The following CENPL variants were observed in gnomAD, a reference collection of about 807,000 sequenced individuals.
CENPL encodes centromere protein L.
Under a neutral mutation model 35.2 loss-of-function variants are expected in CENPL, and 20 were observed. The ratio of observed to expected loss-of-function variants is 0.57; its 90% CI spans 0.40 to 0.83. The LOEUF (loss-of-function observed/expected upper bound fraction) is 0.83. Among genes scored for constraint, CENPL ranks in the 40% least tolerant of loss-of-function variants. CENPL has a pLI of 0.00. For synonymous variants in CENPL, 140 were observed against 140.6 expected (o/e 1.00, Z 0.03); for missense variants, 363 against 395.8 (o/e 0.92, Z 0.70).
At chr1:173,819,356 G>A (rs895292349) in intron 2 of CENPL, among the ~76,000 whole-genome samples, 2 of 152,206 alleles carry the variant, frequency 1.3e-5, no homozygotes, top group African/African-American at 2.4e-5. Context: ...TTGGGAGGCC[G>A]AGGAAAAGTG....
intron 2 of CENPL, among the ~76,000 whole-genome samples, chr1:173,819,840 C>T (rs1486827906): frequency 6.6e-6 from 1 of 150,708 alleles, no homozygotes; most frequent in Non-Finnish European, 1.5e-5. Context: ...TACAGCTGCC[C>T]GCTACCATGC....
intron 5 of CENPL, among the ~76,000 whole-genome samples, chr1:173,801,032 A>G (rs1434754290): frequency 2.0e-5 from 3 of 152,110 alleles, no homozygotes; most frequent in Admixed American, 6.5e-5. Flanking sequence ...CATCAAAATT[A>G]TTTCCCAACC....
chr1:173,807,637 A>T (rs892801427), intron 3 of CENPL, 119 bp from the exon 4 acceptor site: 4 of 766,156 alleles, frequency 5.2e-6, no homozygotes, highest in Non-Finnish European at 7.9e-6. Flanking sequence ...TTGCACTCCA[A>T]CCAAATGAGT....
chr1:173,807,452 G>C lies in CENPL; in HGVS notation c.235C>G (p.Pro79Ala). The change falls in exon 4 of 6, where the codon CCC becomes GCC. Residue 79 changes from proline (P) to alanine (A), a missense_variant. Coordinates refer to ENST00000682279, the MANE Select transcript of CENPL (RefSeq NM_001387287.1). ...HKQWTLYSLT[P>A]LYKFSYSNLK... The stretch of plus-strand genomic sequence containing the variant: ...TTACTATAGGAGAATTTATATAAGG[G>C]AGTTAAACTATATAAAGTCCACTGT... 6.2e-7 allele frequency: 1 copy of C among 1,600,058 alleles called. No homozygotes were observed. Among genetic ancestry groups the C allele is most frequent in the Non-Finnish European group, 8.5e-7 (1 of 1,169,956 alleles).
chr1:173,814,620 G>T (rs145435241), intron 2 of CENPL, among the ~76,000 whole-genome samples: 3 of 152,140 alleles, frequency 2.0e-5, no homozygotes, highest in African/African-American at 7.2e-5. Context: ...AAATAAAGAC[G>T]TTCTTTGAAA....
intron 3 of CENPL, 79 bp downstream of exon 3, chr1:173,811,053 T>C: frequency 2.3e-6 from 3 of 1,325,752 alleles, no homozygotes; most frequent in South Asian, 2.7e-5. Flanking sequence ...CTAAGAATAC[T>C]ATAGTTACAA....
In CENPL at chr1:173,817,208, T is replaced by G. The variant is rs564146259; in HGVS notation, c.-7-5902A>C. ...ACAGCAAAAGAAACTACCATCAGAG[T>G]GAACAGGCAATCTACAGAATGGGAG... is the stretch of plus-strand genomic sequence containing the variant. On this transcript the variant is annotated intron_variant, in intron 2 of 5. Coordinates refer to ENST00000682279, the MANE Select transcript of CENPL (RefSeq NM_001387287.1). Among the ~76,000 whole-genome samples the G allele has an allele frequency of 5.4e-5, 8 of 149,394 alleles. No individual in the cohort carries two copies. The South Asian group carries it at 1.1e-3, about 20-fold the overall frequency.
intron 2 of CENPL, among the ~76,000 whole-genome samples, chr1:173,812,281 A>C (rs1472685931): frequency 6.6e-6 from 1 of 152,260 alleles, no homozygotes; most frequent in East Asian, 1.9e-4. Flanking sequence ...TGCAGACTTA[A>C]ACATCCCTGT....
chr1:173,822,689 T>A (rs1652071662), intron 2 of CENPL: 2 of 152,220 alleles, frequency 1.3e-5, no homozygotes, highest in African/African-American at 4.8e-5. Context: ...TCCTTCAACA[T>A]CACCTTTACA....
At chr1:173,806,377 G>A (rs1041460385) in intron 4 of CENPL, 6 of 397,238 alleles carry the variant, frequency 1.5e-5, no homozygotes, top group African/African-American at 8.5e-5. Flanking sequence ...CTTGAGCCCA[G>A]GAGTTCAAGA....
intron 3 of CENPL, among the ~76,000 whole-genome samples, chr1:173,809,926 T>A (rs1288161448): frequency 2.6e-5 from 4 of 152,106 alleles, no homozygotes; most frequent in African/African-American, 7.2e-5. Context: ...TGTGAATTAG[T>A]TCAACCATTG....
intron 2 of CENPL, among the ~76,000 whole-genome samples, chr1:173,819,025 A>G (rs527642575): frequency 6.6e-6 from 1 of 152,060 alleles, no homozygotes; most frequent in Admixed American, 6.5e-5. Context: ...ACTTGAGCTC[A>G]GATGTCTGAG....
At chr1:173,814,271 C>T (rs1004642107) in intron 2 of CENPL, among the ~76,000 whole-genome samples, 3 of 152,074 alleles carry the variant, frequency 2.0e-5, no homozygotes, top group African/African-American at 7.2e-5. Context: ...TTAGACAGAT[C>T]AACGAGACAG....
intron 2 of CENPL, among the ~76,000 whole-genome samples, chr1:173,814,962 G>A (rs1651214187): frequency 6.6e-6 from 1 of 152,132 alleles, no homozygotes. Flanking sequence ...GAAGAAAAGA[G>A]AGAAGAAGCA....
In CENPL at chr1:173,811,286, C is replaced by T. The variant is rs2102587718; in HGVS notation, c.14G>A (p.Ser5Asn). 6.2e-7 allele frequency: 1 copy of T among 1,603,244 alleles called. No individual in the cohort carries two copies. Reference sequence around the variant, plus strand: ...TGCACTAGGAGTTGACTCTGGTGCACTGTAAGAATCCATGGTCTGTCTGCA... The same window carrying T: ...TGCACTAGGAGTTGACTCTGGTGCATTGTAAGAATCCATGGTCTGTCTGCA... Reference protein sequence around the residue: MDSYSAPESTPSASS... With the variant: MDSYNAPESTPSASS... Residue 5 changes from serine (S) to asparagine (N), a missense_variant, in exon 3 of 6, where the codon AGT becomes AAT. Physicochemically the swap from Ser to Asn is conservative, Grantham distance 46. Coordinates refer to ENST00000682279, the MANE Select transcript of CENPL (RefSeq NM_001387287.1).
chr1:173,824,321 C>T lies in CENPL; in HGVS notation c.-211G>A, dbSNP rs1194767808. 6.6e-6 allele frequency: 1 copy of T among 152,328 alleles called. No individual in the cohort carries two copies. Among genetic ancestry groups the T allele is most frequent in the African/African-American group, 2.4e-5 (1 of 41,476 alleles). The allele number at this position is 152,328 out of a possible 1,614,324, so 9.4% of individuals were successfully genotyped here. ...CCTCTCCAGCTGAGCCTGTCAGAGA[C>T]CAGCCCAGCTCTGAAATCAAGCCGT... On this transcript the variant is annotated 5_prime_UTR_variant, in exon 1 of 6. The change creates a premature stop within an existing upstream ORF in the 5' untranslated region. Coordinates refer to ENST00000682279, the MANE Select transcript of CENPL (RefSeq NM_001387287.1).
At chr1:173,819,484 AGGAG>A (rs1651731555) in intron 2 of CENPL, among the ~76,000 whole-genome samples, 1 of 151,828 alleles carries the variant, frequency 6.6e-6, no homozygotes, top group Non-Finnish European at 1.5e-5. Flanking sequence ...CCAGCTACTC[AGGAG>A]GCTGAGAGGA....
At chr1:173,804,387 T>C (rs9425743) in intron 4 of CENPL, among the ~76,000 whole-genome samples, 1,726 of 152,350 alleles carry the variant, frequency 0.011, 42 homozygotes, top group African/African-American at 0.04. Flanking sequence ...CATTCACCTA[T>C]GACATACATT....
chr1:173,823,920 C>A lies in CENPL; in HGVS notation c.-8+6G>T, dbSNP rs1468016272. 1 of 151,814 alleles carries A rather than the reference C, an allele frequency of 6.6e-6. No homozygotes were observed. Among genetic ancestry groups the A allele is most frequent in the African/African-American group, 2.4e-5 (1 of 41,324 alleles). The allele number at this position is 151,814 out of a possible 1,614,324, so 9.4% of individuals were successfully genotyped here. On this transcript the variant is annotated splice_donor_region_variant and intron_variant, in intron 2 of 5. Transcript: ENST00000682279. Reference sequence around the variant, plus strand: ...CAGGTCCGGGACCAATACAAAGCATCTTTACCAATAAAATGCCGTGATGAC... The same window carrying A: ...CAGGTCCGGGACCAATACAAAGCATATTTACCAATAAAATGCCGTGATGAC...
Sources: allele counts gnomAD v4.1 joint callset (sites outside exome capture counted in the v4.1 genomes callset), GRCh38; gene constraint gnomAD v4.1.1; transcripts MANE v1.5; gene names NCBI Gene and HGNC (gene_info 2026-07-23, HGNC 2026-07-21).